The following POLQ variants were observed in gnomAD, a reference collection of about 807,000 sequenced individuals.
POLQ encodes the protein epididymis secretory sperm binding protein.
In POLQ, 233 loss-of-function variants were observed where a neutral mutation model predicts 259.2. That is an observed-to-expected ratio of 0.90 (90% CI 0.81 to 1.00). The LOEUF (loss-of-function observed/expected upper bound fraction) is 1.00. Among genes scored for constraint, POLQ ranks in the 50% least tolerant of loss-of-function variants. The probability of loss-of-function intolerance (pLI) is 0.00; values close to 1 mark genes in which losing one functional copy is unlikely to be tolerated. For missense variants in POLQ, 2,871 were observed against 3,051.6 expected, an observed-to-expected ratio of 0.94 and a Z score of 1.39; for synonymous variants, 1,025 against 1,048.8, an observed-to-expected ratio of 0.98 and a Z score of 0.44.
Position 121,489,856 on chromosome 3 carries a change from CTTT to C in POLQ, c.3072_3074del (p.Lys1025del), listed in dbSNP as rs41547220. 0.022 allele frequency: 34,815 copies of C among 1,608,110 alleles called. 426 individuals are homozygous for C. The highest frequency in any genetic ancestry group is 0.026 in the Non-Finnish European group (30,249 of 1,178,736). ...TTTCTGAATTGAAATTCAAAGGTGC[CTTT>C]TTTGTTTTCTGTGAAAAAGTCTGAA... On this transcript the variant is annotated inframe_deletion, in exon 16 of 30. Coordinates refer to ENST00000264233, the MANE Select transcript of POLQ (RefSeq NM_199420.4).
Position 121,520,062 on chromosome 3 carries a change from T to A in POLQ, c.1277A>T (p.Asp426Val), listed in dbSNP as rs767911877. Residue 426 changes from aspartate (D) to valine (V), a missense_variant, in exon 9 of 30, where the codon GAT (aspartate) becomes GTT (valine). Around this residue, in one of 3 missense-constraint regions of POLQ, gnomAD observed 783 missense variants for 906.2 expected, o/e 0.86. Coordinates refer to ENST00000264233, the MANE Select transcript of POLQ (RefSeq NM_199420.4). ...TTGACGAAAGGCTCCTTCAATGATA[T>A]CCCTCTCCTCAAAAGTAAGACCTAA... ...HHAGLTFEER[D>V]IIEGAFRQGL... 2 of 1,611,278 alleles carry A rather than the reference T, an allele frequency of 1.2e-6. No homozygotes were observed. Among genetic ancestry groups the A allele is most frequent in the African/African-American group, 1.3e-5 (1 of 74,940 alleles).
intron 6 of POLQ, 96 bp from the exon 7 acceptor site, chr3:121,529,888 T>G: frequency 4.5e-6 from 4 of 893,572 alleles, no homozygotes; most frequent in Non-Finnish European, 6.6e-6. Context: ...GGAAGCTTTT[T>G]CTTCTTTAAG....
At chr3:121,447,420 C>T (rs768193515) in intron 26 of POLQ, among the ~76,000 whole-genome samples, 70 of 152,080 alleles carry the variant, frequency 4.6e-4, no homozygotes, top group Middle Eastern at 3.2e-3. Flanking sequence ...GTCTCTGCCT[C>T]CCAAATTGCT....
Position 121,476,684 on chromosome 3 carries a change from T to C in POLQ, c.6261A>G (p.Leu2087=). The change falls in exon 20 of 30, where the codon CTA becomes CTG. Residue 2087 remains leucine (L), a synonymous_variant. Transcript: ENST00000264233. ...EMPSQYCLAL[L]ELNGIGFSTA... ...TACTAAAGCCAATTCCATTTAGTTCTAGCAAGGCCAAGCAGTACTGAGAGG... is the reference window on the plus strand; with the variant it reads ...TACTAAAGCCAATTCCATTTAGTTCCAGCAAGGCCAAGCAGTACTGAGAGG... 5 of 1,613,814 alleles carry C rather than the reference T, an allele frequency of 3.1e-6. No individual in the cohort carries two copies. Among genetic ancestry groups the C allele is most frequent in the Non-Finnish European group, 4.2e-6 (5 of 1,179,786 alleles).
chr3:121,525,123 C>T (rs183520194), intron 7 of POLQ, among the ~76,000 whole-genome samples: 3 of 152,188 alleles, frequency 2.0e-5, no homozygotes, highest in Admixed American at 6.5e-5. Context: ...GAGTGGATCA[C>T]GAGGTTAGGA....
intron 25 of POLQ, among the ~76,000 whole-genome samples, chr3:121,458,762 G>A (rs1367924572): frequency 6.6e-6 from 1 of 152,118 alleles, no homozygotes; most frequent in African/African-American, 2.4e-5. Context: ...AAGAAGTACA[G>A]CTGTGAGGCT....
chr3:121,481,435 C>T, intron 19 of POLQ, 137 bp downstream of exon 19: 2 of 733,784 alleles, frequency 2.7e-6, no homozygotes, highest in Middle Eastern at 3.9e-4. Context: ...TACTCTCTGG[C>T]CTTTTACAGA....
chr3:121,498,316 TA>T (rs1312737665), intron 13 of POLQ, among the ~76,000 whole-genome samples, 160 bp downstream of exon 13: 32 of 140,104 alleles, frequency 2.3e-4, no homozygotes, highest in Admixed American at 2.1e-4. Flanking sequence ...ATTTCAAAAT[TA>T]AAAAAAAAAA....
Position 121,529,714 on chromosome 3 carries a change from T to C in POLQ, c.1039A>G (p.Lys347Glu). 1 of 1,613,136 alleles carries C rather than the reference T, an allele frequency of 6.2e-7. No homozygotes were observed. The highest frequency in any genetic ancestry group is 1.3e-5 in the African/African-American group (1 of 75,004). The change falls in exon 7 of 30, where the codon AAG (lysine) becomes GAG (glutamate). Residue 347 changes from lysine (K) to glutamate (E), a missense_variant. By Grantham distance (56) the Lys-to-Glu change is moderately conservative. Coordinates refer to ENST00000264233, the MANE Select transcript of POLQ (RefSeq NM_199420.4). ...NHSVLLFCPSKKWCEKLADII... is the reference protein window; with the variant it reads ...NHSVLLFCPSEKWCEKLADII... The stretch of plus-strand genomic sequence containing the variant: ...TCTGCCAGCTTCTCACACCATTTCT[T>C]TGATGGACAAAAAAGTAATACTGAA...
chr3:121,515,551 CCCAG>C (rs1206205102), intron 9 of POLQ, among the ~76,000 whole-genome samples: 1 of 152,208 alleles, frequency 6.6e-6, no homozygotes, highest in Non-Finnish European at 1.5e-5. Flanking sequence ...GATAGCAGAG[CCCAG>C]CCAGCAGTCC....
chr3:121,469,475 T>C (rs1281571927), intron 22 of POLQ, among the ~76,000 whole-genome samples: 1 of 152,226 alleles, frequency 6.6e-6, no homozygotes, highest in East Asian at 1.9e-4. Context: ...TTTTTTTGAA[T>C]GATCCCCTAA....
rs896092895 is a variant in POLQ, at chr3:121,531,190, A to AAAT, written c.961-1401_961-1399dup. Among the ~76,000 whole-genome samples the AAAT allele has an allele frequency of 1.8e-4, 27 of 152,114 alleles. 1 individual carries two copies. The highest frequency in any genetic ancestry group is 1.1e-3 in the Admixed American group (17 of 15,252). ...CAACAAGAGCAAAACTCCATCTCAA[A>AAAT]AATAATAATAATAATAATATGTTTG... On this transcript the variant is annotated intron_variant, in intron 6 of 29. Transcript: ENST00000264233.
intron 16 of POLQ, among the ~76,000 whole-genome samples, chr3:121,486,674 G>GTC (rs1174407238): frequency 6.6e-6 from 1 of 152,006 alleles, no homozygotes; most frequent in East Asian, 1.9e-4. Flanking sequence ...GACCACCCTG[G>GTC]ACAACATGGT....
In POLQ at chr3:121,544,751, C is replaced by T. The variant is rs1285310595; in HGVS notation, c.319G>A (p.Glu107Lys). The T allele has an allele frequency of 5.0e-6, 8 of 1,611,588 alleles. No homozygotes were observed. The highest frequency in any genetic ancestry group is 1.3e-5 in the African/African-American group (1 of 74,842). ...AECLLLGQVLEGKNLVYSAPT... is the reference protein window; with the variant it reads ...AECLLLGQVLKGKNLVYSAPT... ...CCTGAATAAACTAAATTCTTTCCTT[C>T]CAGGACTTGTCCAAGCAAAAGGCAC... Residue 107 changes from glutamate to lysine, a missense_variant, in exon 2 of 30, where the codon GAA becomes AAA. Around this residue, in one of 3 missense-constraint regions of POLQ, gnomAD observed 783 missense variants for 906.2 expected, o/e 0.86. Transcript: ENST00000264233.
Position 121,444,377 on chromosome 3 carries a change from ATTTC to A in POLQ, c.7265-4265_7265-4262del, listed in dbSNP as rs2047616659. On this transcript the variant is annotated intron_variant, in intron 26 of 29. Transcript: ENST00000264233. ...TATTATAAATGAGATTACTTTCCGG[ATTTC>A]TTTTTCAGATTGTTTGCTCCTGGCA... is the stretch of plus-strand genomic sequence containing the variant. Among the ~76,000 whole-genome samples the A allele has an allele frequency of 2.0e-5, 3 of 151,926 alleles. No individual in the cohort carries two copies. The South Asian group carries it at 6.2e-4, about 32-fold the overall frequency.
chr3:121,466,861 T>C (rs987771268), intron 24 of POLQ, among the ~76,000 whole-genome samples: 1 of 152,208 alleles, frequency 6.6e-6, no homozygotes, highest in African/African-American at 2.4e-5. Flanking sequence ...AAGTTTCTGA[T>C]GGAATTTAAA....
intron 12 of POLQ, among the ~76,000 whole-genome samples, chr3:121,508,273 A>C (rs568643089): frequency 1.3e-5 from 2 of 152,302 alleles, no homozygotes. Context: ...TAGAGAGGGA[A>C]CAGGAGTAGG....
At chr3:121,521,222 C>A (rs1457933095) in intron 8 of POLQ, among the ~76,000 whole-genome samples, 1 of 152,062 alleles carries the variant, frequency 6.6e-6, no homozygotes, top group African/African-American at 2.4e-5. Context: ...CATGAATTAT[C>A]CCTTTATTCA....
chr3:121,463,876 T>C (rs1046214447), intron 24 of POLQ, among the ~76,000 whole-genome samples: 1 of 152,216 alleles, frequency 6.6e-6, no homozygotes, highest in African/African-American at 2.4e-5. Flanking sequence ...TCAAAAGTGT[T>C]ACAATACAGT....
Sources: gnomAD v4.1 joint callset for allele counts (sites outside exome capture counted in the v4.1 genomes callset) on GRCh38, gnomAD v4.1.1 for gene constraint, gnomAD v4.1.1 regional missense constraint, MANE v1.5 for transcripts, NCBI Gene and HGNC (gene_info 2026-07-23, HGNC 2026-07-21) for gene names.